The following CDH18 variants were observed in gnomAD, a reference collection of about 807,000 sequenced individuals.
CDH18 encodes cadherin 18, also known as cadherin-18.
A neutral mutation model predicts 67.9 loss-of-function variants in CDH18; 31 were observed. That is an observed-to-expected ratio of 0.46 (90% confidence interval 0.34 to 0.62). The LOEUF (loss-of-function observed/expected upper bound fraction) is 0.62, where lower values mean the gene tolerates loss of function less well. Among genes scored for constraint, CDH18 ranks in the 20% least tolerant of loss-of-function variants. The pLI is 0.01. For synonymous variants in CDH18, 362 were observed against 347.2 expected (o/e 1.04, Z -0.48); for missense variants, 890 against 975.5 (o/e 0.91, Z 1.17).
chr5:20,308,146 T>A (rs529567632), intron 1 of CDH18, among the ~76,000 whole-genome samples: 1 of 151,040 alleles, frequency 6.6e-6, no homozygotes, highest in Admixed American at 6.6e-5. Flanking sequence ...TCTTTACAGT[T>A]TAAATTTGTT....
intron 1 of CDH18, among the ~76,000 whole-genome samples, chr5:20,573,713 G>A (rs532014084): frequency 2.6e-4 from 39 of 148,986 alleles, no homozygotes; most frequent in African/African-American, 9.0e-4. Context: ...GCATGATACT[G>A]CAACAATATA....
chr5:19,758,314 C>G (rs761764880), intron 3 of CDH18, among the ~76,000 whole-genome samples: 1 of 152,150 alleles, frequency 6.6e-6, no homozygotes, highest in South Asian at 2.1e-4. Context: ...CAGTAACAGG[C>G]CAAGAGCTGC....
intron 2 of CDH18, chr5:19,848,355 C>A (rs963930293): frequency 6.6e-6 from 1 of 152,104 alleles, no homozygotes; most frequent in Non-Finnish European, 1.5e-5. Context: ...TGATGCTTTA[C>A]CAGGGCGAGG....
At chr5:20,506,458 T>C (rs1754667371) in intron 1 of CDH18, among the ~76,000 whole-genome samples, 1 of 152,196 alleles carries the variant, frequency 6.6e-6, no homozygotes, top group South Asian at 2.1e-4. Flanking sequence ...GCAGAAAGCA[T>C]CCTTCAGCTG....
At chr5:19,546,907 A>G (rs1736420331) in intron 8 of CDH18, among the ~76,000 whole-genome samples, 1 of 152,222 alleles carries the variant, frequency 6.6e-6, no homozygotes, top group African/African-American at 2.4e-5. Context: ...AAATTTTCTA[A>G]TAATAAGTAT....
chr5:20,385,498 C>G (rs1162583813), intron 1 of CDH18, among the ~76,000 whole-genome samples: 5 of 152,160 alleles, frequency 3.3e-5, no homozygotes, highest in African/African-American at 1.2e-4. Flanking sequence ...TCTCAGGAAT[C>G]CTGATGCTAA....
intron 2 of CDH18, among the ~76,000 whole-genome samples, chr5:19,934,882 A>G (rs1453353671): frequency 6.6e-6 from 1 of 151,358 alleles, no homozygotes; most frequent in African/African-American, 2.4e-5. Context: ...CTAAGTCCTG[A>G]TTGCTTTGTT....
At chr5:19,948,423 G>A (rs1795475393) in intron 2 of CDH18, among the ~76,000 whole-genome samples, 1 of 152,126 alleles carries the variant, frequency 6.6e-6, no homozygotes, top group African/African-American at 2.4e-5. Context: ...AAAAAGAAAT[G>A]ATATGTTGAT....
intron 5 of CDH18, among the ~76,000 whole-genome samples, chr5:19,695,352 T>A (rs1327218548): frequency 6.6e-6 from 1 of 152,194 alleles, no homozygotes; most frequent in African/African-American, 2.4e-5. Flanking sequence ...TTTTAAAATA[T>A]CACTGCAGTG....
At chr5:19,790,505 TA>T (rs1776246839) in intron 3 of CDH18, among the ~76,000 whole-genome samples, 2 of 152,136 alleles carry the variant, frequency 1.3e-5, no homozygotes, top group South Asian at 2.1e-4. Flanking sequence ...CATAGATAAT[TA>T]AAATATGAAT....
intron 2 of CDH18, among the ~76,000 whole-genome samples, chr5:19,926,764 CA>C (rs1337443716): frequency 6.6e-6 from 1 of 151,888 alleles, no homozygotes; most frequent in East Asian, 1.9e-4. Flanking sequence ...TATCAATTTC[CA>C]ATTTTGTTTT....
chr5:20,340,100 C>T (rs778729024), intron 1 of CDH18, among the ~76,000 whole-genome samples: 1 of 152,148 alleles, frequency 6.6e-6, no homozygotes, highest in South Asian at 2.1e-4. Context: ...TTCATTACTC[C>T]AAACTATCTA....
At chr5:20,551,100 A>T (rs1306278014) in intron 1 of CDH18, among the ~76,000 whole-genome samples, 1 of 152,234 alleles carries the variant, frequency 6.6e-6, no homozygotes, top group Non-Finnish European at 1.5e-5. Flanking sequence ...AACGTGCTAA[A>T]ATAATAAATA....
At chr5:20,381,136 G>A (rs1214741317) in intron 1 of CDH18, among the ~76,000 whole-genome samples, 1 of 152,070 alleles carries the variant, frequency 6.6e-6, no homozygotes, top group Non-Finnish European at 1.5e-5. Flanking sequence ...GTGAGAAGGT[G>A]TCCATTTGCC....
chr5:19,852,949 C>A (rs1284676799), intron 2 of CDH18, among the ~76,000 whole-genome samples: 26 of 151,976 alleles, frequency 1.7e-4, no homozygotes, highest in Admixed American at 1.7e-3. Context: ...ATGTGTACAT[C>A]AGCATTACTT....
At chr5:19,908,954 G>C (rs1454922624) in intron 2 of CDH18, among the ~76,000 whole-genome samples, 1 of 152,076 alleles carries the variant, frequency 6.6e-6, no homozygotes, top group African/African-American at 2.4e-5. Context: ...GGAGTCAGTT[G>C]GTCAGACTTG....
rs114500679 is a variant in CDH18, at chr5:19,855,966, T to C, written c.-256-16724A>G. On this transcript the variant is annotated intron_variant, in intron 2 of 12. Coordinates refer to ENST00000382275, the MANE Select transcript of CDH18 (RefSeq NM_004934.5). ...GAAAAGACAGTTATTATTTTCTCTA[T>C]TGAGAGAAATTCCATGTGGTTAGTT... 9.9e-3 allele frequency among the ~76,000 whole-genome samples: 1,513 copies of C among 152,300 alleles called. 21 individuals are homozygous for C. The highest frequency in any genetic ancestry group is 0.027 in the African/African-American group (1,122 of 41,568).
chr5:20,522,954 A>G (rs1260998529), intron 1 of CDH18, among the ~76,000 whole-genome samples: 1 of 152,294 alleles, frequency 6.6e-6, no homozygotes, highest in East Asian at 1.9e-4. Flanking sequence ...ATGAATCAAA[A>G]TTCTTGCATT....
At chr5:19,620,524 TAGAG>T (rs1215269446) in intron 5 of CDH18, among the ~76,000 whole-genome samples, 1 of 151,186 alleles carries the variant, frequency 6.6e-6, no homozygotes, top group South Asian at 2.1e-4. Context: ...GAGGGAGAGA[TAGAG>T]AGAAAAGAGA....
Sources: gnomAD v4.1 joint callset for allele counts (sites outside exome capture counted in the v4.1 genomes callset) on GRCh38, gnomAD v4.1.1 for gene constraint, MANE v1.5 for transcripts, NCBI Gene and HGNC (gene_info 2026-07-23, HGNC 2026-07-21) for gene names.